The following GIGYF2 variants were observed in gnomAD, a reference collection of about 807,000 sequenced individuals.
GIGYF2 encodes GRB10-interacting GYF protein 2.
GIGYF2 carries 25 observed loss-of-function variants against 208.1 expected under a neutral mutation model. The observed-to-expected ratio is 0.12, with a 90% confidence interval of 0.09 to 0.17. The LOEUF (loss-of-function observed/expected upper bound fraction) is 0.17, where lower values mean the gene tolerates loss of function less well. Ranked by LOEUF, GIGYF2 falls within the 10% of genes least tolerant of loss-of-function variation. The pLI is 1.00. For synonymous variants in GIGYF2, 534 were observed against 543.8 expected (o/e 0.98, Z 0.25); for missense variants, 1,302 against 1,579.4 (o/e 0.82, Z 2.98).
chr2:232,759,896 T>G (rs1207241257), intron 6 of GIGYF2, among the ~76,000 whole-genome samples: 1 of 152,186 alleles, frequency 6.6e-6, no homozygotes, highest in East Asian at 1.9e-4. Flanking sequence ...AGTTTAGTCC[T>G]GATACATTTC....
intron 3 of GIGYF2, among the ~76,000 whole-genome samples, chr2:232,739,937 T>TAAAAAA (rs34661108): frequency 1.2e-4 from 13 of 111,626 alleles, no homozygotes; most frequent in South Asian, 6.8e-4. Flanking sequence ...CCATCTCTGC[T>TAAAAAA]AAAAAAAAAA....
chr2:232,755,609 G>C (rs941178692), intron 5 of GIGYF2, among the ~76,000 whole-genome samples: 1 of 152,202 alleles, frequency 6.6e-6, no homozygotes, highest in African/African-American at 2.4e-5. Context: ...GTTAATAACT[G>C]AGTGATTGGG....
intron 8 of GIGYF2, among the ~76,000 whole-genome samples, chr2:232,783,780 G>T (rs1004999037): frequency 5.3e-5 from 8 of 152,092 alleles, no homozygotes; most frequent in African/African-American, 1.9e-4. Flanking sequence ...TCTGCCACCC[G>T]CTTCAAGTGA....
chr2:232,751,690 G>A (rs1382441738), intron 5 of GIGYF2, among the ~76,000 whole-genome samples: 2 of 151,972 alleles, frequency 1.3e-5, no homozygotes, highest in East Asian at 3.8e-4. Context: ...TCAGAAGAGG[G>A]AAGAGGACAT....
intron 5 of GIGYF2, among the ~76,000 whole-genome samples, chr2:232,749,483 C>T (rs773247883): frequency 1.3e-5 from 2 of 151,854 alleles, no homozygotes; most frequent in Admixed American, 6.6e-5. Flanking sequence ...ATTCAAAACT[C>T]TTCTGTCACC....
At chr2:232,771,444 G>T in intron 8 of GIGYF2, 1 of 1,037,758 alleles carries the variant, frequency 9.6e-7, no homozygotes, top group Non-Finnish European at 1.4e-6. Flanking sequence ...AATTTGGAGA[G>T]CTCATGGACT....
Position 232,757,012 on chromosome 2 carries a change from T to C in GIGYF2, c.379+678T>C, listed in dbSNP as rs566703239. Among the ~76,000 whole-genome samples, 9 of 152,304 alleles carry C rather than the reference T, an allele frequency of 5.9e-5. No homozygotes were observed. The South Asian group carries it at 1.9e-3, about 32-fold the overall frequency. On this transcript the variant is annotated intron_variant, in intron 6 of 28. Transcript: ENST00000373563. ...TCTTACGTTGACTAAATCATAACAG[T>C]GGTCTAAATACACCTTGTGATTTTC...
intron 2 of GIGYF2, among the ~76,000 whole-genome samples, chr2:232,721,534 A>G (rs994405170): frequency 3.9e-5 from 6 of 152,112 alleles, no homozygotes; most frequent in African/African-American, 7.2e-5. Context: ...TTCTCCATTC[A>G]CAGGCTCATT....
intron 22 of GIGYF2, among the ~76,000 whole-genome samples, chr2:232,836,768 A>G (rs1414039201): frequency 6.6e-6 from 1 of 151,956 alleles, no homozygotes. Context: ...TCTCCTATGA[A>G]TCTACCAGTC....
rs1191976455 is a variant in GIGYF2, at chr2:232,859,666, C to G, written c.*2806C>G. The G allele has an allele frequency of 1.3e-5, 2 of 152,242 alleles. No homozygotes were observed. Among genetic ancestry groups the G allele is most frequent in the African/African-American group, 4.8e-5 (2 of 41,426 alleles). The allele number at this position is 152,242 out of a possible 1,614,324, so 9.4% of individuals were successfully genotyped here. ...TTCTTTGGTTGTGGTCAGATGTCTT[C>G]CAGGGCATCATTCCTATGAAGGCTT... On this transcript the variant is annotated 3_prime_UTR_variant, in exon 29 of 29. Transcript: ENST00000373563.
intron 3 of GIGYF2, among the ~76,000 whole-genome samples, chr2:232,747,182 T>C (rs1379229001): frequency 6.6e-6 from 1 of 152,248 alleles, no homozygotes; most frequent in Admixed American, 6.5e-5. Flanking sequence ...TATTTCAGTT[T>C]ATAATACCAC....
intron 8 of GIGYF2, among the ~76,000 whole-genome samples, chr2:232,762,064 A>G (rs1415981453): frequency 3.3e-5 from 5 of 151,636 alleles, no homozygotes; most frequent in Non-Finnish European, 4.4e-5. Context: ...GATTAAAGGT[A>G]CTACCTTACA....
At chr2:232,847,220 T>A in intron 26 of GIGYF2, 128 bp from the exon 27 acceptor site, 1 of 915,168 alleles carries the variant, frequency 1.1e-6, no homozygotes, top group Non-Finnish European at 1.8e-6. Context: ...AATTGCTGCA[T>A]ACTTACCAAG....
At chr2:232,790,295 T>G (rs1700032748) in intron 9 of GIGYF2, among the ~76,000 whole-genome samples, 1 of 152,166 alleles carries the variant, frequency 6.6e-6, no homozygotes, top group Non-Finnish European at 1.5e-5. Context: ...GCTTTAAGAT[T>G]GGGCAAAAGG....
intron 8 of GIGYF2, chr2:232,776,468 T>G (rs1287099895): frequency 6.3e-7 from 1 of 1,586,758 alleles, no homozygotes; most frequent in Admixed American, 1.7e-5. Flanking sequence ...GGGTCAGCCT[T>G]TATGCCAAGG....
chr2:232,754,779 A>G (rs1698467513), intron 5 of GIGYF2, among the ~76,000 whole-genome samples: 1 of 152,158 alleles, frequency 6.6e-6, no homozygotes, highest in African/African-American at 2.4e-5. Flanking sequence ...ATAGTTTGAA[A>G]TAGAAATATA....
chr2:232,751,610 A>G (rs958648840), intron 5 of GIGYF2, among the ~76,000 whole-genome samples: 21 of 152,096 alleles, frequency 1.4e-4, no homozygotes, highest in Non-Finnish European at 4.4e-5. Context: ...AGCTATTTAT[A>G]TATTATTTTT....
chr2:232,771,095 CA>C (rs1699226189), intron 8 of GIGYF2: 2 of 1,613,906 alleles, frequency 1.2e-6, no homozygotes, highest in Non-Finnish European at 1.7e-6. Context: ...GGTGGGGCAT[CA>C]TGATCTAGTT....
At chr2:232,815,851 C>T in intron 19 of GIGYF2, 114 bp downstream of exon 19, 1 of 705,078 alleles carries the variant, frequency 1.4e-6, no homozygotes, top group Non-Finnish European at 2.6e-6. Flanking sequence ...TTTACTGCTG[C>T]TTAGCTGGTA....
Sources: allele counts gnomAD v4.1 joint callset (sites outside exome capture counted in the v4.1 genomes callset), GRCh38; gene constraint gnomAD v4.1.1; transcripts MANE v1.5; gene names NCBI Gene and HGNC (gene_info 2026-07-23, HGNC 2026-07-21).